Variants in NCBP1 observed in about 807,000 individuals in gnomAD.
NCBP1 encodes nuclear cap-binding protein subunit 1.
A neutral mutation model predicts 111.7 loss-of-function variants in NCBP1; 16 were observed. The observed-to-expected ratio is 0.14, with a 90% CI of 0.10 to 0.22. The LOEUF is 0.22. Among genes scored for constraint, NCBP1 ranks in the 10% least tolerant of loss-of-function variants. The probability of loss-of-function intolerance (pLI) is 1.00; values close to 1 mark genes in which losing one functional copy is unlikely to be tolerated. For missense variants in NCBP1, 607 were observed against 957.5 expected, an observed-to-expected ratio of 0.63 and a Z score of 4.83; for synonymous variants, 304 against 314.3, an observed-to-expected ratio of 0.97 and a Z score of 0.35.
At chr9:97,655,882 A>C (rs1016651873) in intron 13 of NCBP1, 118 bp downstream of exon 13, 3 of 1,327,506 alleles carry the variant, frequency 2.3e-6, no homozygotes, top group Non-Finnish European at 3.1e-6. Flanking sequence ...GTTAAGTACA[A>C]ATAGTTACAA....
intron 7 of NCBP1, 118 bp downstream of exon 7, chr9:97,647,679 G>T (rs1463803026): frequency 1.2e-6 from 1 of 848,084 alleles, no homozygotes; most frequent in African/African-American, 1.7e-5. Context: ...TACATTTCAT[G>T]ATAGTTCCTT....
At chr9:97,651,236 T>C (rs1412347914) in intron 9 of NCBP1, 74 bp from the exon 10 acceptor site, 1 of 1,263,218 alleles carries the variant, frequency 7.9e-7, no homozygotes, top group Non-Finnish European at 1.1e-6. Context: ...CTAAACACAT[T>C]GCTTTTGAAA....
Position 97,655,822 on chromosome 9 carries a change from C to T in NCBP1, c.1298+58C>T, listed in dbSNP as rs1015751343. The T allele has an allele frequency of 2.0e-6, 3 of 1,487,632 alleles. No homozygotes were observed. In the African/African-American group the frequency reaches 4.2e-5, roughly 21 times the overall value. The allele number at this position is 1,487,632 out of a possible 1,614,324, so 92.2% of individuals were successfully genotyped here. ...GTCAAAAAACTACTAATGTTTAAAA[C>T]TGTAACATAAAAGTGTCTGAAATAT... is the stretch of plus-strand genomic sequence containing the variant. On this transcript the variant is annotated intron_variant, in intron 13 of 22. Coordinates refer to ENST00000375147, the MANE Select transcript of NCBP1 (RefSeq NM_002486.5).
intron 20 of NCBP1, among the ~76,000 whole-genome samples, chr9:97,667,344 G>A (rs983604392): frequency 6.6e-6 from 1 of 152,182 alleles, no homozygotes; most frequent in Non-Finnish European, 1.5e-5. Context: ...GAAGCAGTGA[G>A]TGACTTAACA....
intron 4 of NCBP1, among the ~76,000 whole-genome samples, chr9:97,644,708 C>T (rs891141001): frequency 2.0e-5 from 3 of 152,274 alleles, no homozygotes; most frequent in Admixed American, 2.0e-4. Context: ...ATTTTACAAT[C>T]TGGATTCTTG....
chr9:97,641,069 T>C (rs927903932), intron 2 of NCBP1, among the ~76,000 whole-genome samples, 187 bp downstream of exon 2: 9 of 152,144 alleles, frequency 5.9e-5, no homozygotes, highest in Non-Finnish European at 1.3e-4. Context: ...TTTAGTACTT[T>C]AGTAATTAAT....
intron 18 of NCBP1, among the ~76,000 whole-genome samples, chr9:97,663,414 A>C (rs1469265635): frequency 6.6e-6 from 1 of 152,198 alleles, no homozygotes; most frequent in Non-Finnish European, 1.5e-5. Context: ...TAATGATAAA[A>C]CATTGTTTTA....
At position 97,654,884 on chromosome 9, in the gene NCBP1, C is replaced by T. The variant is rs1217182356; in HGVS notation, c.1175C>T (p.Ala392Val). 1.2e-6 allele frequency: 2 copies of T among 1,613,466 alleles called. No individual in the cohort carries two copies. Among genetic ancestry groups the T allele is most frequent in the Non-Finnish European group, 1.7e-6 (2 of 1,179,758 alleles). The part of the protein sequence containing the change: ...LQPGSLPQVL[A>V]QATEMLYMRL... ...TTCCTTATCCTAAATTCACAGCTTGCACAGGCAACTGAAATGCTATACATG... is the reference window on the plus strand; with the variant it reads ...TTCCTTATCCTAAATTCACAGCTTGTACAGGCAACTGAAATGCTATACATG... Residue 392 changes from alanine to valine, a missense_variant, in exon 12 of 23, where the codon GCA (alanine) becomes GTA (valine). Coordinates refer to ENST00000375147, the MANE Select transcript of NCBP1 (RefSeq NM_002486.5).
intron 10 of NCBP1, 23 bp downstream of exon 10, chr9:97,651,396 G>A (rs1157742369): frequency 1.2e-6 from 2 of 1,602,712 alleles, no homozygotes; most frequent in Admixed American, 3.4e-5. Flanking sequence ...TGTGGAGCGT[G>A]TTTCTGAGTT....
intron 1 of NCBP1, among the ~76,000 whole-genome samples, chr9:97,635,218 C>T (rs1013036847): frequency 1.2e-4 from 18 of 152,268 alleles, no homozygotes; most frequent in African/African-American, 4.3e-4. Flanking sequence ...TATCTGACAC[C>T]TAAGGGTCTA....
chr9:97,655,124 C>G (rs1327639811), intron 12 of NCBP1, among the ~76,000 whole-genome samples, 180 bp downstream of exon 12: 1 of 152,122 alleles, frequency 6.6e-6, no homozygotes, highest in African/African-American at 2.4e-5. Flanking sequence ...TTTTGATGTC[C>G]ATGCTATGAT....
chr9:97,645,581 T>C, intron 5 of NCBP1, 30 bp from the exon 6 acceptor site: 3 of 1,597,412 alleles, frequency 1.9e-6, no homozygotes, highest in Non-Finnish European at 2.6e-6. Context: ...TAAAGCATAT[T>C]TTAAACTTAA....
rs541481395 is a variant in NCBP1 at position 97,652,875 on chromosome 9, A to G, written c.1060-923A>G. ...TCATTTTTAAATCTGCAAAATGTAT[A>G]GAAATTCATCAGACCGAAGTGTAGA... On this transcript the variant is annotated intron_variant, in intron 10 of 22. Transcript: ENST00000375147. Among the ~76,000 whole-genome samples, 3 of 152,360 alleles carry G rather than the reference A, an allele frequency of 2.0e-5. No homozygotes were observed. The South Asian group carries it at 6.2e-4, about 32-fold the overall frequency.
chr9:97,664,304 T>C, intron 18 of NCBP1, 36 bp from the exon 19 acceptor site: 1 of 1,290,072 alleles, frequency 7.8e-7, no homozygotes, highest in Non-Finnish European at 1.1e-6. Flanking sequence ...TGTGTATGTG[T>C]GTGTGTGATT....
intron 10 of NCBP1, among the ~76,000 whole-genome samples, chr9:97,653,202 C>T (rs376456784): frequency 1.3e-5 from 2 of 149,256 alleles, no homozygotes; most frequent in African/African-American, 2.5e-5. Flanking sequence ...CTCAGTGCAA[C>T]CTCCGCCTCC....
At chr9:97,669,760 T>C in intron 22 of NCBP1, 54 bp downstream of exon 22, 1 of 1,288,008 alleles carries the variant, frequency 7.8e-7, no homozygotes, top group Non-Finnish European at 1.1e-6. Context: ...ACAAAGATTT[T>C]TCATTAAAAA....
At chr9:97,656,190 T>G in intron 14 of NCBP1, 105 bp downstream of exon 14, 1 of 891,750 alleles carries the variant, frequency 1.1e-6, no homozygotes, top group East Asian at 2.6e-5. Context: ...ATCCACTTAC[T>G]CATCTTCCAT....
Position 97,645,714 on chromosome 9 carries a change from A to G in NCBP1, c.593A>G (p.Asn198Ser), listed in dbSNP as rs1047607607. ...GCAGAGATGGACCGCATCTTTGCCA[A>G]CACTGAAAGCTATCTTAAGTAAGGG... is the stretch of plus-strand genomic sequence containing the variant. ...KDAEMDRIFANTESYLKRRQK... is the reference protein window; with the variant it reads ...KDAEMDRIFASTESYLKRRQK... The change falls in exon 6 of 23, where the codon AAC becomes AGC. Residue 198 changes from asparagine to serine, a missense_variant. This residue lies in a region of NCBP1 where 185 missense variants were observed against 272.0 expected (regional missense o/e 0.68). Transcript: ENST00000375147. 3 of 1,614,014 alleles carry G rather than the reference A, an allele frequency of 1.9e-6. No homozygotes were observed. The highest frequency in any genetic ancestry group is 1.7e-5 in the Admixed American group (1 of 60,020).
Position 97,672,190 on chromosome 9 carries a change from G to T in NCBP1, c.*991G>T, listed in dbSNP as rs1034778823. 6.6e-6 allele frequency: 1 copy of T among 152,138 alleles called. No individual in the cohort carries two copies. Among genetic ancestry groups the T allele is most frequent in the Non-Finnish European group, 1.5e-5 (1 of 68,036 alleles). The allele number at this position is 152,138 out of a possible 1,614,324, so 9.4% of individuals were successfully genotyped here. A position where few individuals can be genotyped will look rare whatever the true frequency, so the allele number is the denominator to read the frequency against. ...AAATAATACACAAATATGAGGAATT[G>T]TCTGACATTCCAAATTTCGAGGATT... On this transcript the variant is annotated 3_prime_UTR_variant, in exon 23 of 23. Coordinates refer to ENST00000375147, the MANE Select transcript of NCBP1 (RefSeq NM_002486.5).
Sources: allele counts gnomAD v4.1 joint callset (sites outside exome capture counted in the v4.1 genomes callset), GRCh38; gene constraint gnomAD v4.1.1; regional missense constraint gnomAD v4.1.1; transcripts MANE v1.5; gene names NCBI Gene and HGNC (gene_info 2026-07-23, HGNC 2026-07-21).